The following UGT1A3 variants were observed in gnomAD, a reference collection of about 807,000 sequenced individuals.
UGT1A3 encodes the protein UDP-glucuronosyltransferase 1A3.
In UGT1A3, 31 loss-of-function variants were observed where a neutral mutation model predicts 41.0. The ratio of observed to expected loss-of-function variants is 0.76; its 90% CI spans 0.57 to 1.02. The LOEUF is 1.02. Among genes scored for constraint, UGT1A3 ranks in the 50% least tolerant of loss-of-function variants. UGT1A3 has a pLI of 0.00. For missense variants in UGT1A3, 737 were observed against 671.0 expected, an observed-to-expected ratio of 1.10 and a Z score of -1.09; for synonymous variants, 262 against 257.6, an observed-to-expected ratio of 1.02 and a Z score of -0.17.
At chr2:233,741,729 C>T (rs1433169561) in intron 1 of UGT1A3, 1 of 151,846 alleles carries the variant, frequency 6.6e-6, no homozygotes, top group Admixed American at 6.5e-5. Context: ...CATATCCAAA[C>T]CCATATCACA....
intron 1 of UGT1A3, chr2:233,747,267 CCTT>C: frequency 6.3e-7 from 1 of 1,599,532 alleles, no homozygotes; most frequent in Non-Finnish European, 8.5e-7. Context: ...GAGTGCTACT[CCTT>C]CTCAGTGCCC....
intron 1 of UGT1A3, chr2:233,739,155 A>C (rs182453819): frequency 1.1e-4 from 17 of 152,364 alleles, no homozygotes; most frequent in Admixed American, 3.9e-4. Flanking sequence ...CCTCCACATA[A>C]ATTTTAGAGG....
At chr2:233,765,308 T>A (rs746475199) in intron 1 of UGT1A3, among the ~76,000 whole-genome samples, 3 of 152,234 alleles carry the variant, frequency 2.0e-5, no homozygotes, top group Non-Finnish European at 4.4e-5. Flanking sequence ...CATGCACATA[T>A]TTGTTTATTG....
Position 233,769,261 on chromosome 2 carries a change from C to T in UGT1A3, c.1307+822C>T, listed in dbSNP as rs1242622914. ...ATTTGCTCAAATGTGGCCCTGAAAA[C>T]GATTCAAAGGGCAAATGATTTCTGG... On this transcript the variant is annotated intron_variant, in intron 4 of 4. Coordinates refer to ENST00000482026, the MANE Select transcript of UGT1A3 (RefSeq NM_019093.4). This position sits in a 1 kb window ranked among gnomAD's most constrained non-coding sequence, Gnocchi z 4.4. 1.3e-5 allele frequency among the ~76,000 whole-genome samples: 2 copies of T among 152,124 alleles called. No homozygotes were observed. Among genetic ancestry groups the T allele is most frequent in the African/African-American group, 2.4e-5 (1 of 41,420 alleles).
chr2:233,729,581 A>AC lies in UGT1A3; in HGVS notation c.459dup (p.Val154ArgfsTer2), dbSNP rs752036126. 6.8e-6 allele frequency: 11 copies of AC among 1,613,946 alleles called. No individual in the cohort carries two copies. On this transcript the variant is annotated frameshift_variant, in exon 1 of 5. Coordinates refer to ENST00000482026, the MANE Select transcript of UGT1A3 (RefSeq NM_019093.4). LOFTEE classifies it high-confidence loss of function. ...ACTTCCTTTGATGTGGTTTTAACAG[A>AC]CCCCGTTAACCTCTGCGCGGCAGTG... is the stretch of plus-strand genomic sequence containing the variant.
At chr2:233,730,491 G>C (rs1414931155) in intron 1 of UGT1A3, among the ~76,000 whole-genome samples, 4 of 152,196 alleles carry the variant, frequency 2.6e-5, no homozygotes, top group African/African-American at 9.6e-5. Context: ...TGAAATAGAA[G>C]TGTCAGAGAG....
intron 1 of UGT1A3, chr2:233,761,020 C>T (rs1412278754): frequency 9.9e-6 from 16 of 1,614,116 alleles, no homozygotes; most frequent in Non-Finnish European, 1.4e-5. Context: ...GGTGACTGTC[C>T]AGGACCTATT....
At chr2:233,762,023 TA>T (rs1176936322) in intron 1 of UGT1A3, among the ~76,000 whole-genome samples, 2 of 152,334 alleles carry the variant, frequency 1.3e-5, no homozygotes, top group Non-Finnish European at 2.9e-5. Flanking sequence ...ATTTGTATTT[TA>T]TTTTTTTTAA....
chr2:233,755,827 T>C (rs1696034290), intron 1 of UGT1A3: 1 of 152,236 alleles, frequency 6.6e-6, no homozygotes, highest in Admixed American at 6.5e-5. Flanking sequence ...AAAAGACATA[T>C]TCATTGGGCA....
At chr2:233,766,273 TGGCCCGGGCTC>T (rs1203864514) in intron 1 of UGT1A3, among the ~76,000 whole-genome samples, 29 of 151,808 alleles carry the variant, frequency 1.9e-4, no homozygotes, top group Admixed American at 3.9e-4. Context: ...CCGGGCTCGG[TGGCCCGGGCTC>T]GGTGGCCTGG....
At chr2:233,739,434 A>C (rs369218024) in intron 1 of UGT1A3, among the ~76,000 whole-genome samples, 2 of 152,136 alleles carry the variant, frequency 1.3e-5, no homozygotes, top group African/African-American at 2.4e-5. Flanking sequence ...CGAGGGCTTT[A>C]CCCTGCAAAG....
chr2:233,740,508 G>A (rs529004725), intron 1 of UGT1A3, among the ~76,000 whole-genome samples: 1 of 152,040 alleles, frequency 6.6e-6, no homozygotes, highest in East Asian at 1.9e-4. Flanking sequence ...AGTGTGTGAT[G>A]TAAGCTGAAC....
chr2:233,757,537 T>TAA (rs1696591664), intron 1 of UGT1A3, among the ~76,000 whole-genome samples: 3 of 107,778 alleles, frequency 2.8e-5, no homozygotes, highest in African/African-American at 1.4e-4. Context: ...CTGTAAGGAA[T>TAA]ATATATATAT....
chr2:233,740,112 A>C (rs1691308174), intron 1 of UGT1A3, among the ~76,000 whole-genome samples: 1 of 151,796 alleles, frequency 6.6e-6, no homozygotes, highest in African/African-American at 2.4e-5. Context: ...GCCTTTGCTT[A>C]TCTCTCACCT....
At chr2:233,755,368 G>A in intron 1 of UGT1A3, 1 of 361,208 alleles carries the variant, frequency 2.8e-6, no homozygotes, top group Non-Finnish European at 5.3e-6. Flanking sequence ...GGGCCGCCTG[G>A]AGGGCCGCCC....
rs1699877276 is a variant in UGT1A3, at chr2:233,769,473, G to T, written c.1307+1034G>T. 7 of 1,609,972 alleles carry T rather than the reference G, an allele frequency of 4.3e-6. No homozygotes were observed. Among genetic ancestry groups the T allele is most frequent in the South Asian group, 2.2e-5 (2 of 90,952 alleles). On this transcript the variant is annotated intron_variant, in intron 4 of 4. Transcript: ENST00000482026. The surrounding 1 kb of genome is among the most constrained non-coding windows in gnomAD (Gnocchi z 4.4). ...CGTGTGCATTCATATGCGTGTGTGT[G>T]TGTGTGCGTGTGTTTATGAGAGTGT... is the stretch of plus-strand genomic sequence containing the variant.
chr2:233,757,549 T>C lies in UGT1A3; in HGVS notation c.868-9485T>C, dbSNP rs1446411737. Among the ~76,000 whole-genome samples, 177 of 133,748 alleles carry C rather than the reference T, an allele frequency of 1.3e-3. 1 individual carries two copies. The highest frequency in any genetic ancestry group is 1.5e-3 in the Non-Finnish European group (97 of 64,202). The allele number at this position is 133,748 out of a possible 152,430, so 87.7% of individuals were successfully genotyped here. ...TGCCTGTAAGGAATATATATATATATATATATATATATGTATATATGATAT... is the reference window on the plus strand; with the variant it reads ...TGCCTGTAAGGAATATATATATATACATATATATATATGTATATATGATAT... On this transcript the variant is annotated intron_variant, in intron 1 of 4. Transcript: ENST00000482026.
intron 1 of UGT1A3, among the ~76,000 whole-genome samples, chr2:233,734,191 TC>T (rs2078496929): frequency 6.6e-6 from 1 of 152,190 alleles, no homozygotes; most frequent in South Asian, 2.1e-4. Context: ...AATTATTGCC[TC>T]AATTTCAGAG....
At chr2:233,772,143 C>T in intron 4 of UGT1A3, 119 bp from the exon 5 acceptor site, 2 of 1,550,602 alleles carry the variant, frequency 1.3e-6, no homozygotes, top group Non-Finnish European at 1.7e-6. Flanking sequence ...ATAATAGAAA[C>T]AGGTTTCCTT....
Sources: allele counts gnomAD v4.1 joint callset (sites outside exome capture counted in the v4.1 genomes callset), GRCh38; gene constraint gnomAD v4.1.1; non-coding constraint Gnocchi (gnomAD v3.1); transcripts MANE v1.5; gene names NCBI Gene and HGNC (gene_info 2026-07-23, HGNC 2026-07-21).